LINGO2: variants seen among roughly 807,000 people sequenced by gnomAD.
LINGO2 encodes leucine-rich repeat and immunoglobulin-like domain-containing nogo receptor-interacting protein 2.
A neutral mutation model predicts 30.6 loss-of-function variants in LINGO2; 14 were observed. The ratio of observed to expected loss-of-function variants is 0.46; its 90% CI spans 0.30 to 0.72. The LOEUF is 0.72. Among genes scored for constraint, LINGO2 ranks in the 30% least tolerant of loss-of-function variants. The pLI is 0.07. For synonymous variants in LINGO2, 317 were observed against 288.5 expected (o/e 1.10, Z -1.00); for missense variants, 729 against 751.7 (o/e 0.97, Z 0.35).
Position 28,055,563 on chromosome 9 carries a change from G to A in LINGO2, c.-86-43158C>T, listed in dbSNP as rs547197919. Among the ~76,000 whole-genome samples the A allele has an allele frequency of 5.9e-5, 9 of 152,234 alleles. No individual in the cohort carries two copies. In the East Asian group the frequency reaches 1.4e-3, roughly 23 times the overall value. ...CTTCCACTTTGAATTGGAATTCTTC[G>A]TTCGAAGTGTAAGGCTTCAGTCTAA... is the stretch of plus-strand genomic sequence containing the variant. On this transcript the variant is annotated intron_variant, in intron 4 of 5. Transcript: ENST00000379992.
At chr9:28,809,745 C>A in the LINGO2 span, among the ~76,000 whole-genome samples, 1,548 of 95,592 alleles carry the variant, frequency 0.016, no homozygotes, top group African/African-American at 0.018. Flanking sequence ...GACTCTGTCT[C>A]AAAAAAAAAA....
At chr9:28,992,789 AG>A in the LINGO2 span, among the ~76,000 whole-genome samples, 4 of 152,204 alleles carry the variant, frequency 2.6e-5, no homozygotes, top group African/African-American at 9.7e-5. Context: ...AAATGAAGGC[AG>A]AAATAAAGAT....
intron 1 of LINGO2, among the ~76,000 whole-genome samples, chr9:28,624,806 C>T (rs1409051624): frequency 6.6e-6 from 1 of 151,414 alleles, no homozygotes; most frequent in East Asian, 2.0e-4. Context: ...GTCCTTATGG[C>T]TTGTCTGGTG....
chr9:28,530,041 G>A (rs1402259709), intron 1 of LINGO2, among the ~76,000 whole-genome samples: 1 of 152,082 alleles, frequency 6.6e-6, no homozygotes, highest in Non-Finnish European at 1.5e-5. Context: ...GAAGTAGGAA[G>A]TGATTCTTGA....
At chr9:28,281,032 C>T (rs1823304845) in intron 4 of LINGO2, among the ~76,000 whole-genome samples, 1 of 152,020 alleles carries the variant, frequency 6.6e-6, no homozygotes, top group African/African-American at 2.4e-5. Context: ...AAAAAACTTT[C>T]TTTCAAATAT....
the LINGO2 span, among the ~76,000 whole-genome samples, chr9:29,174,368 T>A: frequency 6.6e-6 from 1 of 152,182 alleles, no homozygotes. Flanking sequence ...AAAAGTGAAA[T>A]CAAATTCTCT....
the LINGO2 span, among the ~76,000 whole-genome samples, chr9:28,960,468 G>A: frequency 1.3e-5 from 2 of 151,360 alleles, no homozygotes; most frequent in South Asian, 2.1e-4. Context: ...TCATATGATG[G>A]AGCCAGCCTA....
the LINGO2 span, among the ~76,000 whole-genome samples, chr9:28,964,200 A>T: frequency 1.3e-5 from 2 of 151,946 alleles, no homozygotes; most frequent in Admixed American, 6.6e-5. Flanking sequence ...CAGAATATCC[A>T]GTTCAGAAGT....
At chr9:28,760,969 C>CAT in the LINGO2 span, among the ~76,000 whole-genome samples, 11 of 151,076 alleles carry the variant, frequency 7.3e-5, no homozygotes, top group East Asian at 2.0e-4. Context: ...CACACACACA[C>CAT]ACACCCCACC....
downstream of LINGO2, among the ~76,000 whole-genome samples, chr9:27,947,148 G>A (rs1187885477): frequency 6.6e-6 from 1 of 152,106 alleles, no homozygotes; most frequent in Non-Finnish European, 1.5e-5. Context: ...GTTCTATGCT[G>A]ATTAAATATT....
At chr9:29,009,022 T>C in the LINGO2 span, among the ~76,000 whole-genome samples, 3 of 152,242 alleles carry the variant, frequency 2.0e-5, no homozygotes, top group Non-Finnish European at 2.9e-5. Context: ...TAGGTATTGA[T>C]GGGACATATC....
At chr9:28,169,304 A>C (rs913389414) in intron 4 of LINGO2, among the ~76,000 whole-genome samples, 44 of 152,332 alleles carry the variant, frequency 2.9e-4, no homozygotes, top group Non-Finnish European at 2.9e-5. Context: ...AATATTCTTT[A>C]AAATGAGTAG....
At chr9:28,931,764 T>C in the LINGO2 span, among the ~76,000 whole-genome samples, 1 of 152,158 alleles carries the variant, frequency 6.6e-6, no homozygotes, top group Non-Finnish European at 1.5e-5. Flanking sequence ...GTATTTATGT[T>C]GAGGCATCAC....
At chr9:28,921,189 T>G in the LINGO2 span, among the ~76,000 whole-genome samples, 2 of 152,198 alleles carry the variant, frequency 1.3e-5, no homozygotes, top group African/African-American at 4.8e-5. Flanking sequence ...GTTAATCTTT[T>G]ATTAAGCAGT....
At chr9:27,967,035 T>C (rs1027813216) in intron 5 of LINGO2, among the ~76,000 whole-genome samples, 1 of 152,182 alleles carries the variant, frequency 6.6e-6, no homozygotes, top group Admixed American at 6.6e-5. Flanking sequence ...ATAATCTCTC[T>C]GGAGATTACC....
At chr9:27,965,289 A>G (rs1331217546) in intron 5 of LINGO2, among the ~76,000 whole-genome samples, 1 of 151,204 alleles carries the variant, frequency 6.6e-6, no homozygotes. Context: ...TTTTCAGTCC[A>G]GGTTTTTTTG....
Position 28,018,191 on chromosome 9 carries a change from A to C in LINGO2, c.-86-5786T>G, listed in dbSNP as rs140288626. On this transcript the variant is annotated intron_variant, in intron 4 of 5. Transcript: ENST00000379992. The stretch of plus-strand genomic sequence containing the variant: ...TGAAACTGGACCCCTTCCTTACACC[A>C]TATCCCAAAACTAACTCAAGATCAA... 3.0e-3 allele frequency among the ~76,000 whole-genome samples: 457 copies of C among 152,204 alleles called. 1 individual carries two copies. The highest frequency in any genetic ancestry group is 5.1e-3 in the Non-Finnish European group (345 of 67,984).
intron 5 of LINGO2, among the ~76,000 whole-genome samples, chr9:28,009,161 A>G (rs549134507): frequency 7.3e-5 from 11 of 151,352 alleles, no homozygotes; most frequent in African/African-American, 2.4e-4. Context: ...TTTCCAACAT[A>G]TGGTGCTGAG....
the LINGO2 span, among the ~76,000 whole-genome samples, chr9:29,124,634 T>C: frequency 6.6e-6 from 1 of 152,098 alleles, no homozygotes; most frequent in Non-Finnish European, 1.5e-5. Context: ...AAAGAAGACA[T>C]TTATGTGGCC....
Sources: gnomAD v4.1 joint callset for allele counts (sites outside exome capture counted in the v4.1 genomes callset) on GRCh38, gnomAD v4.1.1 for gene constraint, MANE v1.5 for transcripts, NCBI Gene and HGNC (gene_info 2026-07-23, HGNC 2026-07-21) for gene names.